Variants in PDE4D observed in about 807,000 individuals in gnomAD.
PDE4D encodes the protein 3',5'-cyclic-AMP phosphodiesterase 4D.
A neutral mutation model predicts 87.4 loss-of-function variants in PDE4D; 24 were observed. The ratio of observed to expected loss-of-function variants is 0.27; its 90% CI spans 0.20 to 0.39. PDE4D has a LOEUF of 0.39. PDE4D is among the 10% of genes least tolerant of loss of function. PDE4D has a pLI of 1.00. For synonymous variants in PDE4D, 384 were observed against 383.2 expected (o/e 1.00, Z -0.02); for missense variants, 714 against 1,041.0 (o/e 0.69, Z 4.32).
At chr5:59,658,244 T>TA (rs928662722) in intron 1 of PDE4D, among the ~76,000 whole-genome samples, 39 of 151,528 alleles carry the variant, frequency 2.6e-4, no homozygotes, top group Admixed American at 5.3e-4. Context: ...ACTTATAGAT[T>TA]AAAAAAAAAC....
At chr5:60,294,103 A>G (rs534661875) in intron 1 of PDE4D, among the ~76,000 whole-genome samples, 1 of 152,098 alleles carries the variant, frequency 6.6e-6, no homozygotes, top group East Asian at 1.9e-4. Context: ...GGTGTTTTCA[A>G]CCTTTTTAAT....
intron 1 of PDE4D, among the ~76,000 whole-genome samples, chr5:59,282,412 G>C (rs571095722): frequency 6.6e-6 from 1 of 151,810 alleles, no homozygotes; most frequent in East Asian, 1.9e-4. Flanking sequence ...AGGCCGAGAC[G>C]GGTGGATCAC....
At chr5:59,193,844 T>C in intron 2 of PDE4D, 1 of 947,204 alleles carries the variant, frequency 1.1e-6, no homozygotes, top group Non-Finnish European at 1.3e-6. Context: ...GGCCTGAGTT[T>C]TACTTTTGGC....
chr5:59,516,267 T>C (rs1253306175), intron 1 of PDE4D, among the ~76,000 whole-genome samples: 1 of 152,242 alleles, frequency 6.6e-6, no homozygotes, highest in East Asian at 1.9e-4. Flanking sequence ...GTTTGGTCTC[T>C]TGCCTATCCC....
intron 1 of PDE4D, among the ~76,000 whole-genome samples, chr5:59,488,675 TC>T (rs1007645728): frequency 7.1e-5 from 8 of 112,806 alleles, no homozygotes; most frequent in African/African-American, 1.3e-4. Flanking sequence ...GAGATAATCT[TC>T]TTTTTTTTTT....
At chr5:60,507,570 T>C (rs983445877) in intron 1 of PDE4D, among the ~76,000 whole-genome samples, 2 of 152,148 alleles carry the variant, frequency 1.3e-5, no homozygotes, top group Non-Finnish European at 2.9e-5. Flanking sequence ...AGAAAATTCA[T>C]ACCAATTTAT....
At chr5:59,622,531 G>C (rs1377588459) in intron 1 of PDE4D, among the ~76,000 whole-genome samples, 5 of 152,098 alleles carry the variant, frequency 3.3e-5, no homozygotes, top group Non-Finnish European at 7.3e-5. Flanking sequence ...TTATCTTGAT[G>C]ATCACATTGG....
chr5:59,884,644 C>T (rs115634247), intron 1 of PDE4D, among the ~76,000 whole-genome samples: 187 of 151,866 alleles, frequency 1.2e-3, no homozygotes, highest in African/African-American at 4.4e-3. Context: ...TATTCTTAGG[C>T]TAAGTTTCTA....
intron 1 of PDE4D, among the ~76,000 whole-genome samples, chr5:59,229,368 CTTAT>C (rs1754622502): frequency 2.0e-5 from 3 of 152,198 alleles, no homozygotes; most frequent in South Asian, 2.1e-4. Flanking sequence ...GAGTTGGTCA[CTTAT>C]TTAAAGAAAT....
chr5:59,844,683 A>G (rs1743551818), intron 1 of PDE4D, among the ~76,000 whole-genome samples: 1 of 152,044 alleles, frequency 6.6e-6, no homozygotes, highest in Non-Finnish European at 1.5e-5. Flanking sequence ...TCTATCCTCT[A>G]CATGCATGTC....
In PDE4D at chr5:59,950,178, G is replaced by A. The variant is rs186589529; in HGVS notation, c.272+38310C>T. ...TATAGTTTTCTGATTTTTGTTCTGC[G>A]TATCTCACAGTGTCTTTGGAAAAAA... On this transcript the variant is annotated intron_variant, in intron 3 of 16. Coordinates refer to the PDE4D transcript ENST00000502484. Among the ~76,000 whole-genome samples the A allele has an allele frequency of 5.9e-4, 89 of 152,052 alleles. No individual in the cohort carries two copies. The Middle Eastern group carries it at 0.01, about 17-fold the overall frequency.
In PDE4D at chr5:59,193,481, T is replaced by C. The variant is rs1339829670; in HGVS notation, c.684+19A>G. 1 of 1,611,236 alleles carries C rather than the reference T, an allele frequency of 6.2e-7. No homozygotes were observed. The highest frequency in any genetic ancestry group is 8.5e-7 in the Non-Finnish European group (1 of 1,178,162). On this transcript the variant is annotated intron_variant, in intron 3 of 14. Transcript: ENST00000340635. ...TTTACATCTGTGAGAAACCTGCCCA[T>C]TCACCAAGCTGTGCTTACCTGAGCA...
At chr5:59,563,231 A>G (rs1057009116) in intron 1 of PDE4D, among the ~76,000 whole-genome samples, 2 of 152,232 alleles carry the variant, frequency 1.3e-5, no homozygotes, top group Admixed American at 6.5e-5. Context: ...TACCACACAA[A>G]GTGCTTAGCT....
At chr5:60,312,475 C>T (rs1755136796) in intron 1 of PDE4D, among the ~76,000 whole-genome samples, 1 of 152,144 alleles carries the variant, frequency 6.6e-6, no homozygotes, top group Non-Finnish European at 1.5e-5. Flanking sequence ...CAGTTCTGCA[C>T]TCCTAGGAGG....
At chr5:59,229,712 A>C (rs1164923774) in intron 1 of PDE4D, among the ~76,000 whole-genome samples, 1 of 152,232 alleles carries the variant, frequency 6.6e-6, no homozygotes, top group Non-Finnish European at 1.5e-5. Context: ...TCAGATCTGC[A>C]TCTGAGGTAA....
chr5:60,209,187 C>CTTTTTTTTTTTTT (rs58524375), intron 1 of PDE4D, among the ~76,000 whole-genome samples: 3 of 108,494 alleles, frequency 2.8e-5, no homozygotes, highest in Non-Finnish European at 5.5e-5. Context: ...TTCTTTTTTT[C>CTTTTTTTTTTTTT]TTTTTTTTTT....
intron 1 of PDE4D, among the ~76,000 whole-genome samples, chr5:60,501,382 T>G (rs1750069585): frequency 6.6e-6 from 1 of 151,954 alleles, no homozygotes. Context: ...TGCCACATTT[T>G]CTTAATCCAG....
intron 1 of PDE4D, among the ~76,000 whole-genome samples, chr5:59,237,815 G>T (rs914473267): frequency 2.1e-5 from 2 of 95,872 alleles, no homozygotes; most frequent in African/African-American, 7.8e-5. Flanking sequence ...GTGTGTGTGT[G>T]TGTGTGAACT....
At position 59,614,901 on chromosome 5, in the gene PDE4D, G is replaced by A. The variant is rs565218628; in HGVS notation, c.455+278267C>T. Among the ~76,000 whole-genome samples, 59 of 150,936 alleles carry A rather than the reference G, an allele frequency of 3.9e-4. 1 individual carries two copies. The highest frequency in any genetic ancestry group is 3.5e-3 in the Admixed American group (53 of 15,128). The stretch of plus-strand genomic sequence containing the variant: ...GACCTGAGTGCAGTGGCACAGTCTC[G>A]GTTCTGCAACCTCCACCTCTCAGGC... On this transcript the variant is annotated intron_variant, in intron 1 of 14. Transcript: ENST00000340635.
Sources: gnomAD v4.1 joint callset for allele counts (sites outside exome capture counted in the v4.1 genomes callset) on GRCh38, gnomAD v4.1.1 for gene constraint, MANE v1.5 for transcripts, NCBI Gene and HGNC (gene_info 2026-07-23, HGNC 2026-07-21) for gene names.